FNDC7: variants seen among roughly 807,000 people sequenced by gnomAD.
FNDC7 encodes the protein fibronectin type III domain-containing protein 7.
FNDC7 carries 66 observed loss-of-function variants against 74.2 expected under a neutral mutation model. That is an observed-to-expected ratio of 0.89 (90% CI 0.73 to 1.09). The LOEUF (loss-of-function observed/expected upper bound fraction) is 1.09. Ranked by LOEUF, FNDC7 falls within the 50% of genes least tolerant of loss-of-function variation. The probability of loss-of-function intolerance (pLI) is 0.00; values close to 1 mark genes in which losing one functional copy is unlikely to be tolerated. For synonymous variants in FNDC7, 307 were observed against 330.2 expected, an observed-to-expected ratio of 0.93 and a Z score of 0.76; for missense variants, 829 against 893.4, an observed-to-expected ratio of 0.93 and a Z score of 0.92.
At chr1:108,719,197 G>T (rs962344042) in intron 4 of FNDC7, 148 bp downstream of exon 4, 2 of 889,598 alleles carry the variant, frequency 2.2e-6, no homozygotes, top group Admixed American at 5.7e-5. Flanking sequence ...TATTTATAGT[G>T]CCTTGTCTAT....
In FNDC7 at chr1:108,728,039, C is replaced by T; in HGVS notation, c.1343C>T (p.Ser448Leu). 6.2e-7 allele frequency: 1 copy of T among 1,614,088 alleles called. No homozygotes were observed. Among genetic ancestry groups the T allele is most frequent in the Non-Finnish European group, 8.5e-7 (1 of 1,179,988 alleles). The change falls in exon 7 of 13, where the codon TCA (serine) becomes TTA (leucine). Residue 448 changes from serine to leucine, a missense_variant. Transcript: ENST00000370017. Reference protein sequence around the residue: ...SFNEVRGSNMSCTPQFITTAP... With the variant: ...SFNEVRGSNMLCTPQFITTAP... ...AATGAAGTCCGAGGCAGCAATATGT[C>T]ATGTACTCCCCAGTTCATAACCACA...
chr1:108,741,217 A>C (rs1299891532), intron 11 of FNDC7, among the ~76,000 whole-genome samples: 1 of 152,232 alleles, frequency 6.6e-6, no homozygotes, highest in Non-Finnish European at 1.5e-5. Flanking sequence ...AAGGAAAAAA[A>C]AAACCTATTT....
chr1:108,714,742 A>G (rs1241634313), intron 2 of FNDC7, among the ~76,000 whole-genome samples: 2 of 150,174 alleles, frequency 1.3e-5, no homozygotes, highest in Non-Finnish European at 3.0e-5. Context: ...AGCAGCTGGG[A>G]CTACAGGCAC....
chr1:108,738,974 G>A (rs1443817384), intron 11 of FNDC7, among the ~76,000 whole-genome samples: 1 of 152,112 alleles, frequency 6.6e-6, no homozygotes. Context: ...CATGGACCTA[G>A]GTCTGCATTC....
At chr1:108,719,952 A>G (rs1202577895) in intron 4 of FNDC7, among the ~76,000 whole-genome samples, 1 of 152,146 alleles carries the variant, frequency 6.6e-6, no homozygotes, top group African/African-American at 2.4e-5. Flanking sequence ...CTAAGTTTGG[A>G]GGGGAATGGA....
Position 108,730,834 on chromosome 1 carries a change from A to T in FNDC7, c.1785A>T (p.Gly595=), listed in dbSNP as rs4970809. The T allele has an allele frequency of 2.3e-4, 364 of 1,613,770 alleles. No homozygotes were observed. The highest frequency in any genetic ancestry group is 1.2e-3 in the Middle Eastern group (7 of 6,062). The change falls in exon 9 of 13, where the codon GGA becomes GGT. Residue 595 remains glycine (G), a synonymous_variant. Transcript: ENST00000370017. ...CHTHQNHCLL[G]CITCGINYTV... is the part of the protein sequence containing the mutation. ...CTCATCAAAACCACTGCCTCCTAGG[A>T]TGCATCACATGTGGCATCAATTACA...
rs574400244 is a variant in FNDC7 at position 108,728,057 on chromosome 1, T to C, written c.1361T>C (p.Ile454Thr). The change falls in exon 7 of 13, where the codon ATA becomes ACA. Residue 454 changes from isoleucine (I) to threonine (T), a missense_variant. Coordinates refer to ENST00000370017, the MANE Select transcript of FNDC7 (RefSeq NM_001144937.3). ...GSNMSCTPQF[I>T]TTAPCSPEIK... ...AATATGTCATGTACTCCCCAGTTCA[T>C]AACCACAGGTAAGGCACAGCTATCA... The C allele has an allele frequency of 6.2e-7, 1 of 1,613,140 alleles. No homozygotes were observed. The highest frequency in any genetic ancestry group is 8.5e-7 in the Non-Finnish European group (1 of 1,179,462).
At chr1:108,724,941 C>A (rs559947258) in intron 5 of FNDC7, among the ~76,000 whole-genome samples, 1 of 151,518 alleles carries the variant, frequency 6.6e-6, no homozygotes, top group African/African-American at 2.4e-5. Context: ...ATTAGTTGGG[C>A]ATGGTGGTGC....
At chr1:108,724,355 T>C (rs1277609428) in intron 5 of FNDC7, among the ~76,000 whole-genome samples, 1 of 152,072 alleles carries the variant, frequency 6.6e-6, no homozygotes, top group Non-Finnish European at 1.5e-5. Context: ...TTGTTCCTTA[T>C]TCGTAGCATC....
chr1:108,713,126 G>A (rs546897886), intron 1 of FNDC7, 130 bp downstream of exon 1: 35 of 795,708 alleles, frequency 4.4e-5, no homozygotes, highest in African/African-American at 8.7e-5. Flanking sequence ...GGTTTGTACC[G>A]AGGTTGTATA....
chr1:108,717,643 T>C (rs1661002065), intron 2 of FNDC7, 134 bp from the exon 3 acceptor site: 1 of 913,790 alleles, frequency 1.1e-6, no homozygotes, highest in Admixed American at 2.7e-5. Flanking sequence ...CTGTTTTTCC[T>C]TGATCTGAAT....
chr1:108,737,498 C>G lies in FNDC7; in HGVS notation c.2144C>G (p.Thr715Ser). Reference sequence around the variant, plus strand: ...AATGCTTGTGTTTTTATTACAGTAACTTGCTCTGGAAGTACACTTGGAATG... The same window carrying G: ...AATGCTTGTGTTTTTATTACAGTAAGTTGCTCTGGAAGTACACTTGGAATG... ...TFCPKKIYSV[T>S]CSGSTLGMVI... Residue 715 changes from threonine (T) to serine (S), a missense_variant, in exon 11 of 13, where the codon ACT (threonine) becomes AGT (serine). By Grantham distance (58) the Thr-to-Ser change is moderately conservative. Coordinates refer to ENST00000370017, the MANE Select transcript of FNDC7 (RefSeq NM_001144937.3). The G allele has an allele frequency of 1.3e-6, 2 of 1,588,666 alleles. No homozygotes were observed. The highest frequency in any genetic ancestry group is 2.3e-5 in the South Asian group (2 of 86,100).
At chr1:108,723,057 G>C (rs924301683) in intron 5 of FNDC7, among the ~76,000 whole-genome samples, 1 of 152,080 alleles carries the variant, frequency 6.6e-6, no homozygotes, top group Non-Finnish European at 1.5e-5. Flanking sequence ...TTATCAGAGA[G>C]ATAACCACAT....
In FNDC7 at chr1:108,733,862, C is replaced by A. The variant is rs141494634; in HGVS notation, c.2140+330C>A. ...ACGGGGCTTCAGCATATTGGCCAGG[C>A]TGGTCATGAACTCCTGACCTCAGGT... On this transcript the variant is annotated intron_variant, in intron 10 of 12. Transcript: ENST00000370017. Among the ~76,000 whole-genome samples, 227 of 152,082 alleles carry A rather than the reference C, an allele frequency of 1.5e-3. 2 individuals are homozygous for A. Among genetic ancestry groups the A allele is most frequent in the African/African-American group, 5.3e-3 (220 of 41,478 alleles).
rs1283319887 is a variant in FNDC7 at position 108,728,045 on chromosome 1, C to T, written c.1349C>T (p.Thr450Ile). 2.5e-6 allele frequency: 4 copies of T among 1,613,944 alleles called. No individual in the cohort carries two copies. The highest frequency in any genetic ancestry group is 3.4e-6 in the Non-Finnish European group (4 of 1,179,876). Residue 450 changes from threonine (T) to isoleucine (I), a missense_variant, in exon 7 of 13, where the codon ACT (threonine) becomes ATT (isoleucine). Thr to Ile is a moderately conservative substitution (Grantham distance 89). Transcript: ENST00000370017. Reference sequence around the variant, plus strand: ...GTCCGAGGCAGCAATATGTCATGTACTCCCCAGTTCATAACCACAGGTAAG... The same window carrying T: ...GTCCGAGGCAGCAATATGTCATGTATTCCCCAGTTCATAACCACAGGTAAG... ...NEVRGSNMSCTPQFITTAPCS... is the reference protein window; with the variant it reads ...NEVRGSNMSCIPQFITTAPCS...
chr1:108,732,059 GA>G (rs1380397170), intron 9 of FNDC7, among the ~76,000 whole-genome samples: 1 of 152,014 alleles, frequency 6.6e-6, no homozygotes, highest in Non-Finnish European at 1.5e-5. Context: ...TTTAGAAAAG[GA>G]AAAAAATACT....
intron 2 of FNDC7, among the ~76,000 whole-genome samples, chr1:108,714,544 G>C (rs1464013188): frequency 6.6e-6 from 1 of 150,446 alleles, no homozygotes; most frequent in Non-Finnish European, 1.5e-5. Context: ...TTATTCTTGA[G>C]AGATCTTTAG....
intron 11 of FNDC7, among the ~76,000 whole-genome samples, chr1:108,740,172 C>T (rs1661605805): frequency 6.6e-6 from 1 of 151,998 alleles, no homozygotes; most frequent in Non-Finnish European, 1.5e-5. Flanking sequence ...AGCATTTCCC[C>T]TCCCCAAACA....
At chr1:108,729,195 G>A (rs921587082) in intron 8 of FNDC7, among the ~76,000 whole-genome samples, 1 of 152,182 alleles carries the variant, frequency 6.6e-6, no homozygotes, top group African/African-American at 2.4e-5. Flanking sequence ...CAAATGAGTA[G>A]CCAAATGAGC....
Sources: allele counts gnomAD v4.1 joint callset (sites outside exome capture counted in the v4.1 genomes callset), GRCh38; gene constraint gnomAD v4.1.1; transcripts MANE v1.5; gene names NCBI Gene and HGNC (gene_info 2026-07-23, HGNC 2026-07-21).